The following BARX2 variants were observed in gnomAD, a reference collection of about 807,000 sequenced individuals.
BARX2 encodes the protein BARX homeobox 2.
Under a neutral mutation model 25.5 loss-of-function variants are expected in BARX2, and 11 were observed. That is an observed-to-expected ratio of 0.43 (90% CI 0.27 to 0.71). The LOEUF (loss-of-function observed/expected upper bound fraction) is 0.71. Among genes scored for constraint, BARX2 ranks in the 30% least tolerant of loss-of-function variants. The pLI is 0.19. For missense variants in BARX2, 360 were observed against 359.9 expected, an observed-to-expected ratio of 1.00 and a Z score of 0.00; for synonymous variants, 137 against 149.5, an observed-to-expected ratio of 0.92 and a Z score of 0.61.
intron 2 of BARX2, chr11:129,437,534 G>A: frequency 1.0e-6 from 1 of 985,108 alleles, no homozygotes; most frequent in Non-Finnish European, 1.2e-6. Context: ...TCCAGTTGAG[G>A]AGGTCAGACA....
At position 129,376,260 on chromosome 11, in the gene BARX2, G is replaced by T; in HGVS notation, c.187+38G>T. 6.4e-7 allele frequency: 1 copy of T among 1,561,118 alleles called. No individual in the cohort carries two copies. On this transcript the variant is annotated intron_variant, in intron 1 of 3. Transcript: ENST00000281437. The surrounding 1 kb of genome is among the most constrained non-coding windows in gnomAD (Gnocchi z 4.2). ...GCTAGGGGATAAGTGGGGTTCGGTA[G>T]CTTTCACGTCCGTGTAGGTGGCCTG...
chr11:129,445,956 T>TTTTTCCAGTTCC (rs1555141182), intron 3 of BARX2, among the ~76,000 whole-genome samples: 2 of 152,190 alleles, frequency 1.3e-5, no homozygotes, highest in Non-Finnish European at 2.9e-5. Context: ...GCTAGTAACC[T>TTTTTCCAGTTCC]AATTGGAACT....
At chr11:129,394,995 C>A (rs1173956600) in intron 1 of BARX2, among the ~76,000 whole-genome samples, 2 of 151,320 alleles carry the variant, frequency 1.3e-5, no homozygotes, top group African/African-American at 4.9e-5. Context: ...ATTGCTCAAC[C>A]AAGATCACTC....
chr11:129,378,486 T>G (rs1861526807), intron 1 of BARX2, among the ~76,000 whole-genome samples: 1 of 152,044 alleles, frequency 6.6e-6, no homozygotes, highest in Non-Finnish European at 1.5e-5. Flanking sequence ...ATCTTTTTTC[T>G]TATTAATTAA....
intron 1 of BARX2, among the ~76,000 whole-genome samples, chr11:129,421,691 T>G (rs1204011734): frequency 6.6e-6 from 1 of 152,210 alleles, no homozygotes; most frequent in Non-Finnish European, 1.5e-5. Flanking sequence ...CTGGTTTGTT[T>G]GCAGGTGCTC....
chr11:129,424,467 T>G (rs1007174956), intron 1 of BARX2, among the ~76,000 whole-genome samples: 2 of 152,178 alleles, frequency 1.3e-5, no homozygotes, highest in African/African-American at 4.8e-5. Context: ...TTCCAGATAC[T>G]ACTGGATTTT....
chr11:129,400,485 A>G (rs1423749877), intron 1 of BARX2, among the ~76,000 whole-genome samples: 13 of 152,186 alleles, frequency 8.5e-5, no homozygotes, highest in Non-Finnish European at 1.6e-4. Context: ...AGAAGAGGGG[A>G]AAATGTGACC....
chr11:129,405,130 G>A (rs1000867853), intron 1 of BARX2, among the ~76,000 whole-genome samples: 1 of 152,124 alleles, frequency 6.6e-6, no homozygotes, highest in East Asian at 1.9e-4. Context: ...GGGATTTAAG[G>A]CCTCAGAGCA....
At chr11:129,415,673 G>C (rs1354643989) in intron 1 of BARX2, among the ~76,000 whole-genome samples, 2 of 152,146 alleles carry the variant, frequency 1.3e-5, no homozygotes, top group African/African-American at 4.8e-5. Flanking sequence ...AAGAGTTGTA[G>C]GCCAAGGAAT....
intron 1 of BARX2, among the ~76,000 whole-genome samples, chr11:129,395,871 G>A (rs539415301): frequency 1.3e-4 from 20 of 152,240 alleles, no homozygotes; most frequent in South Asian, 2.1e-4. Context: ...TGGGTATAGC[G>A]ACACCCGTGC....
At position 129,430,205 on chromosome 11, in the gene BARX2, A is replaced by T. The variant is rs543254349; in HGVS notation, c.188-6546A>T. Reference sequence around the variant, plus strand: ...AATTCCCAACTTCATTTCTTTGGGAATTTACTGTATCTTAACCCTGCCATT... The same window carrying T: ...AATTCCCAACTTCATTTCTTTGGGATTTTACTGTATCTTAACCCTGCCATT... On this transcript the variant is annotated intron_variant, in intron 1 of 3. Coordinates refer to ENST00000281437, the MANE Select transcript of BARX2 (RefSeq NM_003658.5). Among the ~76,000 whole-genome samples, 193 of 152,318 alleles carry T rather than the reference A, an allele frequency of 1.3e-3. 1 individual carries two copies. Among genetic ancestry groups the T allele is most frequent in the Admixed American group, 3.2e-3 (49 of 15,300 alleles).
intron 1 of BARX2, among the ~76,000 whole-genome samples, chr11:129,429,332 G>A (rs963244823): frequency 1.3e-5 from 2 of 151,998 alleles, no homozygotes; most frequent in Non-Finnish European, 2.9e-5. Flanking sequence ...AAGTGTTTGA[G>A]ACCAGCCTGG....
intron 1 of BARX2, among the ~76,000 whole-genome samples, chr11:129,423,977 G>A (rs1254385996): frequency 6.6e-6 from 1 of 151,816 alleles, no homozygotes; most frequent in Non-Finnish European, 1.5e-5. Flanking sequence ...AGCCTCCCGA[G>A]TAACTGGGAC....
At chr11:129,375,522 G>T (rs981267715), upstream of BARX2, among the ~76,000 whole-genome samples, 29 of 152,174 alleles carry the variant, frequency 1.9e-4, no homozygotes, top group African/African-American at 7.0e-4. This position sits in a 1 kb window ranked among gnomAD's most constrained non-coding sequence, Gnocchi z 4.0. Flanking sequence ...CTTGGCCGCG[G>T]GCTGGGGCGG....
At chr11:129,386,713 G>A (rs574961081) in intron 1 of BARX2, among the ~76,000 whole-genome samples, 1 of 152,322 alleles carries the variant, frequency 6.6e-6, no homozygotes. Context: ...TCTCAGCAAA[G>A]TAGTCCCAAT....
At chr11:129,383,140 T>G (rs1187261280) in intron 1 of BARX2, among the ~76,000 whole-genome samples, 1 of 152,194 alleles carries the variant, frequency 6.6e-6, no homozygotes, top group Non-Finnish European at 1.5e-5. Context: ...TTGTTTGTTT[T>G]TTAACCAGAA....
intron 1 of BARX2, among the ~76,000 whole-genome samples, chr11:129,435,561 C>T (rs972487751): frequency 2.0e-5 from 3 of 152,156 alleles, no homozygotes; most frequent in East Asian, 3.9e-4. Flanking sequence ...AGTCACTTTT[C>T]AGGGCTGGAC....
At chr11:129,450,055 T>C (rs1306442509) in intron 3 of BARX2, among the ~76,000 whole-genome samples, 1 of 152,192 alleles carries the variant, frequency 6.6e-6, no homozygotes, top group Non-Finnish European at 1.5e-5. Context: ...ACTGTCACCC[T>C]GTAATACAAG....
intron 1 of BARX2, among the ~76,000 whole-genome samples, chr11:129,425,401 A>G (rs1033370858): frequency 2.0e-5 from 3 of 152,192 alleles, no homozygotes; most frequent in Admixed American, 1.3e-4. Flanking sequence ...GCTTTCCGTC[A>G]GGGAGTGCTT....
Sources: allele counts gnomAD v4.1 joint callset (sites outside exome capture counted in the v4.1 genomes callset), GRCh38; gene constraint gnomAD v4.1.1; non-coding constraint Gnocchi (gnomAD v3.1); transcripts MANE v1.5; gene names NCBI Gene and HGNC (gene_info 2026-07-23, HGNC 2026-07-21).